The following TBC1D22A variants were observed in gnomAD, a reference collection of about 807,000 sequenced individuals.
TBC1D22A encodes the protein TBC1 domain family member 22A.
A neutral mutation model predicts 60.2 loss-of-function variants in TBC1D22A; 38 were observed. The observed-to-expected ratio is 0.63, with a 90% CI of 0.49 to 0.83. TBC1D22A has a LOEUF of 0.83. Among genes scored for constraint, TBC1D22A ranks in the 40% least tolerant of loss-of-function variants. The probability of loss-of-function intolerance (pLI) is 0.00; values close to 1 mark genes in which losing one functional copy is unlikely to be tolerated. For missense variants in TBC1D22A, 628 were observed against 701.0 expected, an observed-to-expected ratio of 0.90 and a Z score of 1.18; for synonymous variants, 302 against 281.7, an observed-to-expected ratio of 1.07 and a Z score of -0.72.
At chr22:46,964,085 G>A (rs2073680660) in intron 8 of TBC1D22A, among the ~76,000 whole-genome samples, 1 of 152,244 alleles carries the variant, frequency 6.6e-6, no homozygotes, top group African/African-American at 2.4e-5. Flanking sequence ...GCTGCCAGCG[G>A]CGTCTGTTTG....
At chr22:46,835,407 AAAG>A (rs2086475513) in intron 4 of TBC1D22A, among the ~76,000 whole-genome samples, 1 of 152,250 alleles carries the variant, frequency 6.6e-6, no homozygotes, top group Admixed American at 6.5e-5. Context: ...AAATCATAAA[AAAG>A]AACCAAACAA....
intron 4 of TBC1D22A, among the ~76,000 whole-genome samples, chr22:46,835,929 A>G (rs2086496062): frequency 6.6e-6 from 1 of 152,184 alleles, no homozygotes; most frequent in Non-Finnish European, 1.5e-5. Context: ...ATGGGCTGAT[A>G]TATTCAAAGT....
chr22:47,059,046 C>T (rs1419193647), intron 11 of TBC1D22A, among the ~76,000 whole-genome samples: 1 of 152,214 alleles, frequency 6.6e-6, no homozygotes, highest in Non-Finnish European at 1.5e-5. Context: ...GGGCACTCCA[C>T]ACACCCCTGT....
chr22:46,843,371 G>A (rs2086856816), intron 4 of TBC1D22A, among the ~76,000 whole-genome samples: 1 of 152,084 alleles, frequency 6.6e-6, no homozygotes, highest in Non-Finnish European at 1.5e-5. Flanking sequence ...GGTATACAGT[G>A]GCTGCCCGGC....
intron 11 of TBC1D22A, among the ~76,000 whole-genome samples, chr22:47,093,758 C>T (rs141830422): frequency 9.9e-5 from 15 of 152,262 alleles, no homozygotes; most frequent in East Asian, 1.9e-4. Context: ...GTCAACTTGG[C>T]GGAATCACCA....
intron 9 of TBC1D22A, among the ~76,000 whole-genome samples, chr22:46,981,253 G>T (rs2074501724): frequency 6.6e-6 from 1 of 152,202 alleles, no homozygotes; most frequent in Non-Finnish European, 1.5e-5. Context: ...TGGGAGAGGG[G>T]TGGTGGTTGT....
intron 11 of TBC1D22A, among the ~76,000 whole-genome samples, chr22:47,084,089 C>T (rs1267028506): frequency 2.0e-5 from 3 of 152,240 alleles, no homozygotes; most frequent in Non-Finnish European, 4.4e-5. Flanking sequence ...GCATTCTCTA[C>T]GATCCAGGTA....
chr22:46,862,793 C>G (rs1313385774), intron 4 of TBC1D22A, among the ~76,000 whole-genome samples: 1 of 152,008 alleles, frequency 6.6e-6, no homozygotes, highest in Non-Finnish European at 1.5e-5. Flanking sequence ...AGCTGAGAGG[C>G]CGGATGCTGG....
At chr22:47,128,412 A>G (rs1601604629) in intron 12 of TBC1D22A, among the ~76,000 whole-genome samples, 1 of 126,478 alleles carries the variant, frequency 7.9e-6, no homozygotes, top group Non-Finnish European at 1.6e-5. Context: ...AGGGAGGAGG[A>G]GCTGGTCCTT....
chr22:46,790,906 C>CT, intron 1 of TBC1D22A, among the ~76,000 whole-genome samples: 1 of 152,272 alleles, frequency 6.6e-6, no homozygotes, highest in African/African-American at 2.4e-5. Context: ...ATCTTTATTA[C>CT]TTTTTTTGTA....
chr22:46,848,184 G>A (rs1301893977), intron 4 of TBC1D22A, among the ~76,000 whole-genome samples: 2 of 152,250 alleles, frequency 1.3e-5, no homozygotes, highest in Admixed American at 1.3e-4. Context: ...ACTTCTGCCT[G>A]TAACTTTCCC....
intron 10 of TBC1D22A, among the ~76,000 whole-genome samples, chr22:47,019,018 A>G (rs1035825009): frequency 6.6e-6 from 1 of 152,350 alleles, no homozygotes; most frequent in Non-Finnish European, 1.5e-5. Context: ...AGCAAGTCTT[A>G]TCCAGCCCCT....
intron 8 of TBC1D22A, among the ~76,000 whole-genome samples, chr22:46,971,840 A>G (rs2074074369): frequency 6.6e-6 from 1 of 152,226 alleles, no homozygotes. Context: ...GCTTCATCAG[A>G]GGGTGTGCTC....
At chr22:47,119,723 C>CT in intron 12 of TBC1D22A, among the ~76,000 whole-genome samples, 1 of 152,286 alleles carries the variant, frequency 6.6e-6, no homozygotes, top group East Asian at 1.9e-4. Context: ...TCTCGAACTC[C>CT]TGACCTCGTA....
At chr22:47,012,912 T>C (rs2061796087) in intron 10 of TBC1D22A, among the ~76,000 whole-genome samples, 1 of 152,220 alleles carries the variant, frequency 6.6e-6, no homozygotes, top group Non-Finnish European at 1.5e-5. Flanking sequence ...AAAAACTTGC[T>C]GTTCGGAGCA....
At chr22:46,857,107 C>T (rs996151348) in intron 4 of TBC1D22A, among the ~76,000 whole-genome samples, 2 of 152,276 alleles carry the variant, frequency 1.3e-5, no homozygotes, top group Non-Finnish European at 2.9e-5. Context: ...GTCACAGTGT[C>T]TTCCCAAGCA....
intron 12 of TBC1D22A, among the ~76,000 whole-genome samples, chr22:47,160,149 C>T (rs1020471432): frequency 6.6e-6 from 1 of 152,232 alleles, no homozygotes; most frequent in African/African-American, 2.4e-5. Context: ...GCTCCTTCTC[C>T]TTCACACAGC....
chr22:46,992,403 C>G (rs2074978619), intron 9 of TBC1D22A, among the ~76,000 whole-genome samples: 1 of 152,236 alleles, frequency 6.6e-6, no homozygotes, highest in African/African-American at 2.4e-5. Context: ...TGGCATGTGC[C>G]CAAATGCAGC....
intron 4 of TBC1D22A, among the ~76,000 whole-genome samples, chr22:46,831,495 A>G (rs555975815): frequency 6.6e-6 from 1 of 152,252 alleles, no homozygotes; most frequent in East Asian, 1.9e-4. Context: ...CCTTTGGTTC[A>G]AGATCATATC....
Sources: gnomAD v4.1 joint callset for allele counts (sites outside exome capture counted in the v4.1 genomes callset) on GRCh38, gnomAD v4.1.1 for gene constraint, MANE v1.5 for transcripts, NCBI Gene and HGNC (gene_info 2026-07-23, HGNC 2026-07-21) for gene names.